The following SNTB1 variants were observed in gnomAD, a reference collection of about 807,000 sequenced individuals.
The protein encoded by SNTB1 is syntrophin beta 1.
In SNTB1, 36 loss-of-function variants were observed where a neutral mutation model predicts 48.9. The observed-to-expected ratio is 0.74, with a 90% CI of 0.56 to 0.97. The LOEUF (loss-of-function observed/expected upper bound fraction) is 0.97. Among genes scored for constraint, SNTB1 ranks in the 50% least tolerant of loss-of-function variants. The pLI is 0.00. For synonymous variants in SNTB1, 299 were observed against 294.6 expected, an observed-to-expected ratio of 1.01 and a Z score of -0.15; for missense variants, 786 against 703.4, an observed-to-expected ratio of 1.12 and a Z score of -1.33.
At chr8:120,810,434 A>T (rs1422640824) in intron 1 of SNTB1, among the ~76,000 whole-genome samples, 3 of 152,210 alleles carry the variant, frequency 2.0e-5, no homozygotes, top group African/African-American at 4.8e-5. Flanking sequence ...GGGACATCAG[A>T]TCTCAAGAGA....
chr8:120,584,629 A>G (rs1322554691), intron 3 of SNTB1, among the ~76,000 whole-genome samples: 1 of 152,052 alleles, frequency 6.6e-6, no homozygotes, highest in Non-Finnish European at 1.5e-5. Context: ...ATGACAGTCT[A>G]CTCTGATGAG....
At chr8:120,685,699 A>AT (rs553965368) in intron 2 of SNTB1, among the ~76,000 whole-genome samples, 107 of 152,070 alleles carry the variant, frequency 7.0e-4, no homozygotes, top group Admixed American at 2.0e-3. Flanking sequence ...TCCAGAACAC[A>AT]TTTTTTTCAT....
intron 2 of SNTB1, among the ~76,000 whole-genome samples, chr8:120,655,773 C>A (rs949876371): frequency 1.3e-5 from 2 of 152,216 alleles, no homozygotes; most frequent in African/African-American, 4.8e-5. Context: ...AAGTTCCCAG[C>A]CTTCCTTGTT....
chr8:120,753,958 C>T (rs1819266965), intron 1 of SNTB1, among the ~76,000 whole-genome samples: 1 of 152,136 alleles, frequency 6.6e-6, no homozygotes, highest in African/African-American at 2.4e-5. Context: ...ATCATAGATA[C>T]ATTCATTCTA....
intron 5 of SNTB1, 57 bp downstream of exon 5, chr8:120,548,705 G>T: frequency 6.6e-7 from 1 of 1,518,108 alleles, no homozygotes; most frequent in South Asian, 1.1e-5. Flanking sequence ...CCCCGGTGGA[G>T]TAGAGGGTTC....
At chr8:120,809,856 C>A (rs1217030800) in intron 1 of SNTB1, among the ~76,000 whole-genome samples, 6 of 152,168 alleles carry the variant, frequency 3.9e-5, no homozygotes, top group Non-Finnish European at 5.9e-5. Flanking sequence ...TCTAGACAAA[C>A]AAGGTTGGTG....
intron 2 of SNTB1, among the ~76,000 whole-genome samples, chr8:120,672,019 C>A (rs1438606754): frequency 3.9e-5 from 6 of 152,088 alleles, no homozygotes; most frequent in Non-Finnish European, 7.4e-5. Flanking sequence ...TTCAAGTACC[C>A]GAACAACCTC....
At chr8:120,649,072 AT>A (rs1209020737) in intron 2 of SNTB1, among the ~76,000 whole-genome samples, 2 of 145,836 alleles carry the variant, frequency 1.4e-5, no homozygotes, top group Admixed American at 1.4e-4. Context: ...ATTCTTCTAA[AT>A]TTTTTTCAAA....
chr8:120,807,027 A>G (rs1444678072), intron 1 of SNTB1, among the ~76,000 whole-genome samples: 1 of 152,126 alleles, frequency 6.6e-6, no homozygotes, highest in Non-Finnish European at 1.5e-5. Flanking sequence ...GCTCTAACGG[A>G]CAGGGTTAAT....
At chr8:120,548,254 C>T (rs1815416244) in intron 5 of SNTB1, among the ~76,000 whole-genome samples, 1 of 152,162 alleles carries the variant, frequency 6.6e-6, no homozygotes, top group African/African-American at 2.4e-5. Flanking sequence ...GCTTCCTGTA[C>T]AGTCTGCAGA....
intron 4 of SNTB1, chr8:120,571,261 C>T: frequency 1.6e-6 from 2 of 1,282,714 alleles, no homozygotes; most frequent in Non-Finnish European, 2.0e-6. Context: ...TTGGGTCCAA[C>T]TTTGCTTCTT....
chr8:120,705,877 A>T (rs1042884437), intron 1 of SNTB1, among the ~76,000 whole-genome samples: 3 of 152,192 alleles, frequency 2.0e-5, no homozygotes, highest in Non-Finnish European at 4.4e-5. Flanking sequence ...GCGGAAAACA[A>T]TGTCTTCCTT....
At chr8:120,597,705 G>A (rs150580726) in intron 3 of SNTB1, among the ~76,000 whole-genome samples, 18 of 152,342 alleles carry the variant, frequency 1.2e-4, no homozygotes, top group South Asian at 4.2e-4. Flanking sequence ...GGAAGGAGGC[G>A]GAGCCAATGA....
intron 1 of SNTB1, among the ~76,000 whole-genome samples, chr8:120,756,047 GA>G (rs1819312763): frequency 6.6e-6 from 1 of 152,162 alleles, no homozygotes; most frequent in Non-Finnish European, 1.5e-5. Flanking sequence ...CTATCTTTCA[GA>G]GGTACTGTGA....
At chr8:120,805,271 G>A (rs796486971) in intron 1 of SNTB1, among the ~76,000 whole-genome samples, 38 of 152,198 alleles carry the variant, frequency 2.5e-4, no homozygotes, top group African/African-American at 8.4e-4. Flanking sequence ...TCTCCAGATC[G>A]TGTGAATATG....
At chr8:120,678,521 C>A (rs1563849478) in intron 2 of SNTB1, among the ~76,000 whole-genome samples, 2 of 152,280 alleles carry the variant, frequency 1.3e-5, no homozygotes, top group African/African-American at 4.8e-5. Flanking sequence ...CTGAGCCTCT[C>A]AATTGTCACT....
rs749928049 is a variant in SNTB1 at position 120,541,872 on chromosome 8, T to C, written c.1462A>G (p.Met488Val). 6 of 1,614,022 alleles carry C rather than the reference T, an allele frequency of 3.7e-6. No individual in the cohort carries two copies. The South Asian group carries it at 6.6e-5, about 18-fold the overall frequency. ...ATCCTGATTCCATCATCTGAAGACA[T>C]TTTGAGCTTTTCATAAGGAGACTGT... is the stretch of plus-strand genomic sequence containing the variant. ...IIQSPYEKLK[M>V]SSDDGIRMLY... The change falls in exon 6 of 7, where the codon ATG (methionine) becomes GTG (valine). Residue 488 changes from methionine to valine, a missense_variant. Transcript: ENST00000517992.
At chr8:120,656,216 C>A (rs1817500132) in intron 2 of SNTB1, among the ~76,000 whole-genome samples, 1 of 152,124 alleles carries the variant, frequency 6.6e-6, no homozygotes, top group South Asian at 2.1e-4. Flanking sequence ...CAAGTGTGAG[C>A]AGTTAATGAA....
chr8:120,643,342 T>C (rs1399266689), intron 2 of SNTB1, among the ~76,000 whole-genome samples: 1 of 152,228 alleles, frequency 6.6e-6, no homozygotes, highest in Non-Finnish European at 1.5e-5. Flanking sequence ...TCTTTAGTGG[T>C]GATGTCTGAG....
Sources: gnomAD v4.1 joint callset for allele counts (sites outside exome capture counted in the v4.1 genomes callset) on GRCh38, gnomAD v4.1.1 for gene constraint, MANE v1.5 for transcripts, NCBI Gene and HGNC (gene_info 2026-07-23, HGNC 2026-07-21) for gene names.